The following MGAT4A variants were observed in gnomAD, a reference collection of about 807,000 sequenced individuals.
MGAT4A encodes N-acetylglucosaminyltransferase IVa.
In MGAT4A, 33 loss-of-function variants were observed where a neutral mutation model predicts 74.1. The ratio of observed to expected loss-of-function variants is 0.45; its 90% CI spans 0.34 to 0.60. The LOEUF is 0.60. Among genes scored for constraint, MGAT4A ranks in the 20% least tolerant of loss-of-function variants. MGAT4A has a pLI of 0.02. For synonymous variants in MGAT4A, 198 were observed against 210.4 expected (o/e 0.94, Z 0.51); for missense variants, 479 against 628.3 (o/e 0.76, Z 2.54).
At chr2:98,626,921 C>T (rs866558727) in intron 14 of MGAT4A, among the ~76,000 whole-genome samples, 1 of 152,152 alleles carries the variant, frequency 6.6e-6, no homozygotes, top group Non-Finnish European at 1.5e-5. Flanking sequence ...CACAAACACA[C>T]GATTTTAATG....
intron 13 of MGAT4A, 80 bp from the exon 14 acceptor site, chr2:98,635,368 G>T: frequency 1.9e-6 from 2 of 1,034,148 alleles, no homozygotes; most frequent in Non-Finnish European, 1.4e-6. Context: ...TAATATAGAT[G>T]AAGTGGCATT....
chr2:98,659,645 T>G (rs745408168), intron 5 of MGAT4A, among the ~76,000 whole-genome samples: 2 of 152,216 alleles, frequency 1.3e-5, no homozygotes, highest in Non-Finnish European at 2.9e-5. Context: ...TTATAAGATC[T>G]CATGGTTTTA....
intron 2 of MGAT4A, among the ~76,000 whole-genome samples, chr2:98,682,796 A>G (rs1158134628): frequency 6.6e-6 from 1 of 152,018 alleles, no homozygotes. Context: ...TATGTATAAA[A>G]CAAATGGCGG....
intron 2 of MGAT4A, among the ~76,000 whole-genome samples, chr2:98,684,699 G>A (rs1227486754): frequency 2.6e-5 from 4 of 152,228 alleles, no homozygotes; most frequent in South Asian, 2.1e-4. Context: ...CAAACAAAAA[G>A]CACCAATAAG....
intron 2 of MGAT4A, among the ~76,000 whole-genome samples, chr2:98,713,834 C>T (rs907376923): frequency 1.3e-5 from 2 of 152,116 alleles, no homozygotes. Context: ...AAACAGAATA[C>T]AAACAGTAAT....
chr2:98,649,549 T>C (rs1701547483), intron 8 of MGAT4A, among the ~76,000 whole-genome samples: 1 of 152,164 alleles, frequency 6.6e-6, no homozygotes, highest in Non-Finnish European at 1.5e-5. Flanking sequence ...GGCACCAGGT[T>C]GGGAGCTAAG....
intron 4 of MGAT4A, chr2:98,663,570 G>A (rs1267641891): frequency 2.6e-5 from 23 of 899,458 alleles, no homozygotes; most frequent in Non-Finnish European, 3.5e-5. Context: ...TCAGTTCTGT[G>A]GTTGTTCTTG....
At position 98,706,519 on chromosome 2, in the gene MGAT4A, G is replaced by A. The variant is rs374264217; in HGVS notation, c.94+19720C>T. On this transcript the variant is annotated intron_variant, in intron 2 of 15. Coordinates refer to ENST00000393487, the MANE Select transcript of MGAT4A (RefSeq NM_012214.3). ...TAATTTTTGTATTTTTAGTAGAGACGGGGTTTCACCATGTTGGCCAGGATG... is the reference window on the plus strand; with the variant it reads ...TAATTTTTGTATTTTTAGTAGAGACAGGGTTTCACCATGTTGGCCAGGATG... Among the ~76,000 whole-genome samples, 12 of 151,664 alleles carry A rather than the reference G, an allele frequency of 7.9e-5. No individual in the cohort carries two copies. The East Asian group carries it at 1.4e-3, about 17-fold the overall frequency.
At chr2:98,655,294 T>C (rs1701641658) in intron 8 of MGAT4A, 151 bp downstream of exon 8, 4 of 559,598 alleles carry the variant, frequency 7.1e-6, no homozygotes, top group Non-Finnish European at 1.2e-5. Context: ...ACATGCTCAG[T>C]TACCATGGAG....
intron 10 of MGAT4A, among the ~76,000 whole-genome samples, chr2:98,642,851 T>C (rs1046766848): frequency 6.6e-6 from 1 of 152,066 alleles, no homozygotes; most frequent in African/African-American, 2.4e-5. Flanking sequence ...TTTTTAAAAT[T>C]TTTGTGGTTT....
intron 7 of MGAT4A, 63 bp downstream of exon 7, chr2:98,656,289 A>C: frequency 8.7e-7 from 1 of 1,153,752 alleles, no homozygotes; most frequent in South Asian, 1.3e-5. Context: ...CGATAAATAA[A>C]AACTACATGT....
chr2:98,726,554 G>A lies in MGAT4A; in HGVS notation c.-222C>T, dbSNP rs565571877. ...TGCGGTCTTCACACGCTGATGCCTC[G>A]GCCTTTTCCCTTCCTATTCAGGGGA... On this transcript the variant is annotated 5_prime_UTR_variant, in exon 2 of 16. Transcript: ENST00000393487. 4.8e-5 allele frequency: 20 copies of A among 419,006 alleles called. No individual in the cohort carries two copies. Among genetic ancestry groups the A allele is most frequent in the Admixed American group, 4.1e-4 (10 of 24,450 alleles). 26.0% of individuals were successfully genotyped at this position (419,006 alleles called of 1,614,324 possible).
Position 98,689,493 on chromosome 2 carries a change from T to C in MGAT4A, c.95-11022A>G, listed in dbSNP as rs560493698. ...AAGATGGAATAGACACACTTCTCTC[T>C]ATGCATCCTGCTAAACACAATTATA... On this transcript the variant is annotated intron_variant, in intron 2 of 15. Coordinates refer to ENST00000393487, the MANE Select transcript of MGAT4A (RefSeq NM_012214.3). Among the ~76,000 whole-genome samples, 50 of 152,302 alleles carry C rather than the reference T, an allele frequency of 3.3e-4. 1 individual carries two copies. The highest frequency in any genetic ancestry group is 6.3e-4 in the Non-Finnish European group (43 of 68,032).
chr2:98,701,697 C>G (rs1224325311), intron 2 of MGAT4A, among the ~76,000 whole-genome samples: 1 of 152,194 alleles, frequency 6.6e-6, no homozygotes, highest in Non-Finnish European at 1.5e-5. Flanking sequence ...TTTAACATAT[C>G]AGCAAGAAAG....
intron 8 of MGAT4A, among the ~76,000 whole-genome samples, chr2:98,652,975 C>T (rs1404814796): frequency 2.0e-5 from 3 of 151,722 alleles, no homozygotes; most frequent in Non-Finnish European, 2.9e-5. Context: ...CTGACTACAA[C>T]AAAATGAAAC....
At chr2:98,657,409 C>T (rs549158261) in intron 6 of MGAT4A, among the ~76,000 whole-genome samples, 2 of 152,234 alleles carry the variant, frequency 1.3e-5, no homozygotes, top group South Asian at 2.1e-4. Flanking sequence ...CTGCCCTGTT[C>T]CTTAAGAAGT....
Position 98,677,499 on chromosome 2 carries a change from C to T in MGAT4A, c.262+805G>A, listed in dbSNP as rs1239436467. ...TGGAGTCTCTCTCTGGAGTGCAGAA[C>T]TGGAATGCAGTGGCAGGATCACAGC... On this transcript the variant is annotated intron_variant, in intron 3 of 15. Coordinates refer to ENST00000393487, the MANE Select transcript of MGAT4A (RefSeq NM_012214.3). Among the ~76,000 whole-genome samples the T allele has an allele frequency of 2.0e-5, 3 of 152,150 alleles. 1 individual carries two copies. The highest frequency in any genetic ancestry group is 4.4e-5 in the Non-Finnish European group (3 of 68,032).
At chr2:98,647,124 GCACCA>G (rs760998440) in intron 8 of MGAT4A, among the ~76,000 whole-genome samples, 10 of 152,156 alleles carry the variant, frequency 6.6e-5, no homozygotes, top group Admixed American at 1.3e-4. Context: ...AATTAGGAAA[GCACCA>G]CTTGGAAACC....
intron 2 of MGAT4A, among the ~76,000 whole-genome samples, chr2:98,707,237 C>CT (rs1702452410): frequency 6.6e-6 from 1 of 152,038 alleles, no homozygotes; most frequent in Non-Finnish European, 1.5e-5. Context: ...AATGAAAAAT[C>CT]TGAGTAATAG....
Sources: gnomAD v4.1 joint callset for allele counts (sites outside exome capture counted in the v4.1 genomes callset) on GRCh38, gnomAD v4.1.1 for gene constraint, MANE v1.5 for transcripts, NCBI Gene and HGNC (gene_info 2026-07-23, HGNC 2026-07-21) for gene names.